Variants in DEPDC4 observed in about 807,000 individuals in gnomAD.
The protein encoded by DEPDC4 is DEP domain containing 4.
DEPDC4 carries 52 observed loss-of-function variants against 52.0 expected under a neutral mutation model. That is an observed-to-expected ratio of 1.00 (90% CI 0.80 to 1.26). DEPDC4 has a LOEUF of 1.26. Ranked by LOEUF, DEPDC4 falls within the 50% of genes most tolerant of loss-of-function variation. The pLI is 0.00. For synonymous variants in DEPDC4, 201 were observed against 196.8 expected, an observed-to-expected ratio of 1.02 and a Z score of -0.18; for missense variants, 530 against 546.9, an observed-to-expected ratio of 0.97 and a Z score of 0.31.
chr12:100,257,065 CTTTATT>C (rs1427512364), intron 3 of DEPDC4, among the ~76,000 whole-genome samples: 9 of 151,874 alleles, frequency 5.9e-5, no homozygotes, highest in African/African-American at 9.7e-5. Flanking sequence ...TTTGTTTTTC[CTTTATT>C]TTTATTTTTA....
chr12:100,251,443 C>T (rs1472325222), intron 7 of DEPDC4, among the ~76,000 whole-genome samples: 1 of 152,132 alleles, frequency 6.6e-6, no homozygotes, highest in Non-Finnish European at 1.5e-5. Flanking sequence ...TGTTTTGAGA[C>T]AGGGTCTCAC....
At chr12:100,243,486 C>A (rs2096169080) in intron 8 of DEPDC4, among the ~76,000 whole-genome samples, 1 of 152,138 alleles carries the variant, frequency 6.6e-6, no homozygotes, top group Non-Finnish European at 1.5e-5. Context: ...AATAGTATCC[C>A]CCAACTTCCT....
chr12:100,271,248 C>G (rs372736427), upstream of DEPDC4, among the ~76,000 whole-genome samples: 44 of 130,568 alleles, frequency 3.4e-4, no homozygotes, highest in African/African-American at 1.3e-3. Context: ...AGCCCTGCTC[C>G]TTGCAGAGCA....
chr12:100,247,972 C>T (rs1025256773), intron 8 of DEPDC4, among the ~76,000 whole-genome samples: 1 of 152,116 alleles, frequency 6.6e-6, no homozygotes, highest in Non-Finnish European at 1.5e-5. Flanking sequence ...CCAAGTTACG[C>T]AACCTCTCTA....
chr12:100,255,990 G>C, intron 4 of DEPDC4, 59 bp downstream of exon 4: 1 of 1,293,470 alleles, frequency 7.7e-7, no homozygotes. Context: ...AAAATACTAA[G>C]GGCAAATATG....
At chr12:100,235,065 GTA>G (rs34143490), downstream of DEPDC4, among the ~76,000 whole-genome samples, 3 of 149,682 alleles carry the variant, frequency 2.0e-5, no homozygotes, top group Admixed American at 6.7e-5. Context: ...GTATGTGTGT[GTA>G]TATATATATA....
chr12:100,237,183 T>C (rs376389603), downstream of DEPDC4, among the ~76,000 whole-genome samples: 6 of 151,080 alleles, frequency 4.0e-5, no homozygotes, highest in Non-Finnish European at 7.4e-5. Context: ...TTTCTTTCCA[T>C]ATGAATTTTA....
At position 100,256,086 on chromosome 12, in the gene DEPDC4, G is replaced by C. The variant is rs199681201; in HGVS notation, c.841C>G (p.Leu281Val). Reference sequence around the variant, plus strand: ...AAGCTTGGAATAAGTTCTCTGTCTAGGCAAGTGTTAGTGATAACAAGATCT... The same window carrying C: ...AAGCTTGGAATAAGTTCTCTGTCTACGCAAGTGTTAGTGATAACAAGATCT... ...EEDLVITNTC[L>V]DRELIPSLCL... Residue 281 changes from leucine (L) to valine (V), a missense_variant, in exon 4 of 10, where the codon CTA (leucine) becomes GTA (valine). Transcript: ENST00000550587. 6.2e-7 allele frequency: 1 copy of C among 1,612,766 alleles called. No individual in the cohort carries two copies. The highest frequency in any genetic ancestry group is 2.2e-5 in the East Asian group (1 of 44,726).
At chr12:100,249,609 T>C (rs1244097961) in intron 7 of DEPDC4, among the ~76,000 whole-genome samples, 1 of 152,200 alleles carries the variant, frequency 6.6e-6, no homozygotes, top group East Asian at 1.9e-4. Flanking sequence ...ATAATACTGT[T>C]ACAGAGGGCA....
chr12:100,263,912 G>T lies in DEPDC4; in HGVS notation c.158-19C>A. 1 of 1,577,266 alleles carries T rather than the reference G, an allele frequency of 6.3e-7. No individual in the cohort carries two copies. The highest frequency in any genetic ancestry group is 8.6e-7 in the Non-Finnish European group (1 of 1,162,576). On this transcript the variant is annotated intron_variant, in intron 1 of 9. Transcript: ENST00000550587. ...GAGCATCCTGAAAAAAATTAAATATGCATTTCTAACAAATCTAGATTATAC... is the reference window on the plus strand; with the variant it reads ...GAGCATCCTGAAAAAAATTAAATATTCATTTCTAACAAATCTAGATTATAC...
intron 5 of DEPDC4, among the ~76,000 whole-genome samples, chr12:100,252,955 C>T (rs970958556): frequency 2.0e-5 from 3 of 152,226 alleles, no homozygotes; most frequent in Non-Finnish European, 2.9e-5. Context: ...CTCACTCTGT[C>T]GCCCAGGCTG....
downstream of DEPDC4, among the ~76,000 whole-genome samples, chr12:100,237,207 C>CTT (rs55710732): frequency 1.5e-5 from 2 of 136,156 alleles, no homozygotes; most frequent in African/African-American, 5.6e-5. Flanking sequence ...TTTTCTTTTT[C>CTT]TTTTTTTTTT....
intron 4 of DEPDC4, among the ~76,000 whole-genome samples, chr12:100,254,279 T>C (rs1294315177): frequency 6.6e-6 from 1 of 151,712 alleles, no homozygotes; most frequent in Non-Finnish European, 1.5e-5. Flanking sequence ...AGGTTAGTAT[T>C]TACTGTAATT....
At chr12:100,276,490 G>T in the DEPDC4 span, among the ~76,000 whole-genome samples, 1 of 151,944 alleles carries the variant, frequency 6.6e-6, no homozygotes, top group African/African-American at 2.4e-5. Context: ...ACACCACTAT[G>T]CCCTGCACAT....
At chr12:100,253,887 T>C (rs543072554) in intron 4 of DEPDC4, among the ~76,000 whole-genome samples, 172 bp from the exon 5 acceptor site, 1 of 152,332 alleles carries the variant, frequency 6.6e-6, no homozygotes, top group East Asian at 1.9e-4. Context: ...AGTGAAGGAC[T>C]GTATGAGAGG....
intron 9 of DEPDC4, among the ~76,000 whole-genome samples, 196 bp from the exon 10 acceptor site, chr12:100,242,041 T>A (rs548820300): frequency 6.6e-6 from 1 of 152,312 alleles, no homozygotes; most frequent in Non-Finnish European, 1.5e-5. Flanking sequence ...ACATACATTA[T>A]TTGATCTCTA....
At chr12:100,252,134 T>A in intron 7 of DEPDC4, 42 bp downstream of exon 7, 1 of 1,124,458 alleles carries the variant, frequency 8.9e-7, no homozygotes, top group Non-Finnish European at 1.1e-6. Context: ...TTGACACAAG[T>A]AGCTTAGTAA....
downstream of DEPDC4, among the ~76,000 whole-genome samples, chr12:100,235,596 A>G (rs541164316): frequency 9.1e-4 from 137 of 149,744 alleles, no homozygotes; most frequent in African/African-American, 3.2e-3. Flanking sequence ...TTCCCCCAAG[A>G]TGGAGTCTTG....
At chr12:100,269,609 G>T (rs1308314946), upstream of DEPDC4, among the ~76,000 whole-genome samples, 1 of 152,060 alleles carries the variant, frequency 6.6e-6, no homozygotes. Flanking sequence ...ATCACTTGAG[G>T]TATAGCTAGC....
Sources: gnomAD v4.1 joint callset for allele counts (sites outside exome capture counted in the v4.1 genomes callset) on GRCh38, gnomAD v4.1.1 for gene constraint, MANE v1.5 for transcripts, NCBI Gene and HGNC (gene_info 2026-07-23, HGNC 2026-07-21) for gene names.